The following AK9 variants were observed in gnomAD, a reference collection of about 807,000 sequenced individuals.
The protein encoded by AK9 is adenylate kinase 9.
Under a neutral mutation model 239.6 loss-of-function variants are expected in AK9, and 191 were observed. The ratio of observed to expected loss-of-function variants is 0.80; its 90% CI spans 0.71 to 0.90. The LOEUF (loss-of-function observed/expected upper bound fraction) is 0.90, where lower values mean the gene tolerates loss of function less well. Ranked by LOEUF, AK9 falls within the 40% of genes least tolerant of loss-of-function variation. AK9 has a pLI of 0.00. For synonymous variants in AK9, 689 were observed against 721.0 expected, an observed-to-expected ratio of 0.96 and a Z score of 0.71; for missense variants, 1,995 against 2,214.7, an observed-to-expected ratio of 0.90 and a Z score of 1.99.
intron 24 of AK9, among the ~76,000 whole-genome samples, chr6:109,562,650 T>TG (rs754536699): frequency 1.4e-4 from 22 of 152,136 alleles, no homozygotes; most frequent in African/African-American, 4.6e-4. Flanking sequence ...TGCTTTTTGA[T>TG]GGGGGGGCCA....
At chr6:109,547,996 A>G (rs1372237397) in intron 25 of AK9, among the ~76,000 whole-genome samples, 1 of 152,186 alleles carries the variant, frequency 6.6e-6, no homozygotes, top group African/African-American at 2.4e-5. Flanking sequence ...ATGCAAATCA[A>G]AACCACAGTG....
chr6:109,534,844 G>T (rs891080764), intron 27 of AK9, among the ~76,000 whole-genome samples: 3 of 151,988 alleles, frequency 2.0e-5, no homozygotes, highest in African/African-American at 7.3e-5. Flanking sequence ...CTATGAGTGA[G>T]AATATGCGGT....
At chr6:109,669,593 A>G (rs1387036251) in intron 5 of AK9, among the ~76,000 whole-genome samples, 2 of 152,182 alleles carry the variant, frequency 1.3e-5, no homozygotes, top group African/African-American at 4.8e-5. Context: ...AGTTTTTAGC[A>G]TGAAGGGCTG....
intron 29 of AK9, among the ~76,000 whole-genome samples, chr6:109,525,329 A>G (rs757114687): frequency 6.6e-6 from 1 of 152,200 alleles, no homozygotes; most frequent in Non-Finnish European, 1.5e-5. Context: ...TAATTAAACT[A>G]AAGAGCTTTT....
At chr6:109,667,737 A>AT in intron 5 of AK9, among the ~76,000 whole-genome samples, 1 of 152,256 alleles carries the variant, frequency 6.6e-6, no homozygotes, top group Admixed American at 6.5e-5. Context: ...TGAACTCATC[A>AT]TTTTTTATGG....
At chr6:109,493,908 A>G in intron 40 of AK9, 73 bp downstream of exon 40, 1 of 1,162,928 alleles carries the variant, frequency 8.6e-7, no homozygotes, top group Non-Finnish European at 1.2e-6. Context: ...ACAGTTTAAC[A>G]ATCCTATTCA....
At chr6:109,598,328 G>C (rs1280636105) in intron 17 of AK9, among the ~76,000 whole-genome samples, 1 of 151,356 alleles carries the variant, frequency 6.6e-6, no homozygotes, top group African/African-American at 2.4e-5. Context: ...GCGGTGTTTG[G>C]TTTTTTGTCC....
At chr6:109,520,498 A>G (rs911328809) in intron 29 of AK9, among the ~76,000 whole-genome samples, 2 of 151,992 alleles carry the variant, frequency 1.3e-5, no homozygotes, top group Non-Finnish European at 2.9e-5. Flanking sequence ...TTGTACTGGT[A>G]TCATGCTGTT....
intron 12 of AK9, among the ~76,000 whole-genome samples, chr6:109,623,969 A>G (rs1273234856): frequency 1.3e-5 from 2 of 151,816 alleles, no homozygotes; most frequent in East Asian, 3.9e-4. Context: ...AAAAAATAAT[A>G]TGCATTATTC....
At chr6:109,596,828 T>C (rs187446488) in intron 17 of AK9, among the ~76,000 whole-genome samples, 6 of 152,336 alleles carry the variant, frequency 3.9e-5, no homozygotes, top group Middle Eastern at 3.4e-3. Context: ...CTTTTTGATA[T>C]AGTGATTTCT....
intron 24 of AK9, among the ~76,000 whole-genome samples, chr6:109,551,015 C>T (rs977451185): frequency 3.3e-5 from 5 of 151,962 alleles, no homozygotes; most frequent in African/African-American, 1.2e-4. Context: ...CTCCCAGACT[C>T]ATTAAAAAAA....
intron 36 of AK9, among the ~76,000 whole-genome samples, chr6:109,498,489 C>T (rs142078301): frequency 7.1e-4 from 108 of 152,316 alleles, no homozygotes; most frequent in Admixed American, 1.1e-3. Context: ...ATAAAATGTT[C>T]AGAGGCATCT....
chr6:109,653,176 C>T (rs952557061), intron 8 of AK9, among the ~76,000 whole-genome samples: 6 of 152,182 alleles, frequency 3.9e-5, no homozygotes, highest in Admixed American at 6.5e-5. Flanking sequence ...ATCCACCCGT[C>T]TCCGCCTCCC....
At chr6:109,679,078 A>G (rs1162046480) in intron 1 of AK9, among the ~76,000 whole-genome samples, 2 of 152,116 alleles carry the variant, frequency 1.3e-5, no homozygotes, top group Non-Finnish European at 2.9e-5. Context: ...TTCATATCCC[A>G]GTGGCGCCTG....
At chr6:109,662,722 GATTT>G (rs1458209886) in intron 5 of AK9, 59 bp from the exon 6 acceptor site, 8 of 793,146 alleles carry the variant, frequency 1.0e-5, no homozygotes, top group Middle Eastern at 4.3e-4. Context: ...TGAGGGCATG[GATTT>G]ATTATATTAT....
At chr6:109,666,024 C>T (rs1801144032) in intron 5 of AK9, among the ~76,000 whole-genome samples, 1 of 152,170 alleles carries the variant, frequency 6.6e-6, no homozygotes, top group Non-Finnish European at 1.5e-5. Flanking sequence ...TACTTGGTCT[C>T]TTTACTGATG....
intron 8 of AK9, among the ~76,000 whole-genome samples, chr6:109,647,946 C>T (rs1000714408): frequency 2.8e-4 from 42 of 152,038 alleles, no homozygotes; most frequent in African/African-American, 8.7e-4. Context: ...CACTCAAAAC[C>T]GCTCAACTAC....
intron 5 of AK9, among the ~76,000 whole-genome samples, chr6:109,662,964 T>A (rs561518048): frequency 1.3e-5 from 2 of 152,096 alleles, no homozygotes; most frequent in African/African-American, 4.8e-5. Flanking sequence ...CTAGTAATTA[T>A]TTTAACTCAT....
At chr6:109,610,571 C>T in intron 16 of AK9, 58 bp from the exon 17 acceptor site, 1 of 1,467,496 alleles carries the variant, frequency 6.8e-7, no homozygotes, top group South Asian at 1.3e-5. Context: ...GACAATACTA[C>T]TTGCAATAAA....
Sources: allele counts gnomAD v4.1 joint callset (sites outside exome capture counted in the v4.1 genomes callset), GRCh38; gene constraint gnomAD v4.1.1; transcripts MANE v1.5; gene names NCBI Gene and HGNC (gene_info 2026-07-23, HGNC 2026-07-21).